The following LRFN2 variants were observed in gnomAD, a reference collection of about 807,000 sequenced individuals.
LRFN2 encodes the protein leucine rich repeat and fibronectin type III domain containing 2.
A neutral mutation model predicts 37.3 loss-of-function variants in LRFN2; 18 were observed. The observed-to-expected ratio is 0.48, with a 90% CI of 0.33 to 0.72. The LOEUF (loss-of-function observed/expected upper bound fraction) is 0.72. Among genes scored for constraint, LRFN2 ranks in the 30% least tolerant of loss-of-function variants. The probability of loss-of-function intolerance (pLI) is 0.02; values close to 1 mark genes in which losing one functional copy is unlikely to be tolerated. For synonymous variants in LRFN2, 556 were observed against 466.6 expected (o/e 1.19, Z -2.47); for missense variants, 1,006 against 1,060.7 (o/e 0.95, Z 0.72).
intron 1 of LRFN2, among the ~76,000 whole-genome samples, chr6:40,515,257 T>C (rs1173832848): frequency 6.6e-6 from 1 of 152,130 alleles, no homozygotes; most frequent in Non-Finnish European, 1.5e-5. Flanking sequence ...TCATATATGT[T>C]GTGGCCAGCG....
chr6:40,411,285 C>T (rs1421866164), intron 2 of LRFN2, among the ~76,000 whole-genome samples: 2 of 152,288 alleles, frequency 1.3e-5, no homozygotes, highest in South Asian at 2.1e-4. Context: ...CATGCAGGTG[C>T]AGTGGAGGGT....
In LRFN2 at chr6:40,432,319, A is replaced by G. The variant is rs2113824754; in HGVS notation, c.795T>C (p.Cys265=). Residue 265 remains cysteine (C), a synonymous_variant, in exon 2 of 3, where the codon TGT becomes TGC. Coordinates refer to ENST00000338305, the MANE Select transcript of LRFN2 (RefSeq NM_020737.3). ...GACCCTTGAGGCCCCCTGGGGAGCC[A>G]CAGGTTTCCAGGTCATCGTCCCGCT... is the stretch of plus-strand genomic sequence containing the variant. ...RLERDDDLET[C]GSPGGLKGRY... is the part of the protein sequence containing the mutation. 1 of 1,614,138 alleles carries G rather than the reference A, an allele frequency of 6.2e-7. No homozygotes were observed. Among genetic ancestry groups the G allele is most frequent in the Non-Finnish European group, 8.5e-7 (1 of 1,180,038 alleles).
rs529850332 is a variant in LRFN2, at chr6:40,542,078, T to A, written c.-19+44863A>T. 4.0e-3 allele frequency among the ~76,000 whole-genome samples: 607 copies of A among 152,306 alleles called. 1 individual carries two copies. Among genetic ancestry groups the A allele is most frequent in the African/African-American group, 0.014 (575 of 41,566 alleles). On this transcript the variant is annotated intron_variant, in intron 1 of 2. Transcript: ENST00000338305. ...ACTTGCAGTCATGTGGACAGAGACC[T>A]GGTGGTTCTAACTCACGCAGACACA...
chr6:40,487,694 TG>T (rs1383585485), intron 1 of LRFN2, among the ~76,000 whole-genome samples: 1 of 152,168 alleles, frequency 6.6e-6, no homozygotes, highest in Non-Finnish European at 1.5e-5. Context: ...AATCCAAGGA[TG>T]GGATGGCTAG....
intron 1 of LRFN2, among the ~76,000 whole-genome samples, chr6:40,465,673 G>A (rs901433114): frequency 1.2e-4 from 18 of 152,184 alleles, no homozygotes; most frequent in African/African-American, 4.3e-4. Context: ...TCTGATACCT[G>A]ACAGCTTCAG....
chr6:40,416,876 C>T (rs568336827), intron 2 of LRFN2, among the ~76,000 whole-genome samples: 5 of 152,316 alleles, frequency 3.3e-5, no homozygotes, highest in East Asian at 1.9e-4. Flanking sequence ...GTGGAATTCC[C>T]GGCCCTCCGA....
Position 40,400,789 on chromosome 6 carries a change from A to G in LRFN2, c.1401-7877T>C, listed in dbSNP as rs148773673. ...TCCTGAAAACCTTTCATGGATGTGC[A>G]TATACATATGTGTTTGGGGTATGTG... On this transcript the variant is annotated intron_variant, in intron 2 of 2. Transcript: ENST00000338305. Among the ~76,000 whole-genome samples, 423 of 151,842 alleles carry G rather than the reference A, an allele frequency of 2.8e-3. 18 individuals are homozygous for G. Among genetic ancestry groups the G allele is most frequent in the Non-Finnish European group, 3.5e-3 (237 of 67,872 alleles).
intron 1 of LRFN2, among the ~76,000 whole-genome samples, chr6:40,442,361 G>A (rs1179638214): frequency 6.6e-6 from 1 of 152,184 alleles, no homozygotes; most frequent in African/African-American, 2.4e-5. Flanking sequence ...CAGGATAGAG[G>A]GTAGGCAAAG....
rs771949075 is a variant in LRFN2 at position 40,392,097 on chromosome 6, G to A, written c.2216C>T (p.Pro739Leu). ...FAAAAAGGVV[P>L]GGYSPPRKVS... ...CTTCCGAGGAGGACTGTAGCCGCCC[G>A]GCACGACCCCTCCCGCCGCCGCAGC... The change falls in exon 3 of 3, where the codon CCG (proline) becomes CTG (leucine). Residue 739 changes from proline to leucine, a missense_variant. Around this residue, in one of 4 missense-constraint regions of LRFN2, gnomAD observed 398 missense variants for 327.6 expected, o/e 1.21. Transcript: ENST00000338305. The surrounding 1 kb of genome is among the most constrained non-coding windows in gnomAD (Gnocchi z 4.7). The A allele has an allele frequency of 1.8e-5, 29 of 1,613,656 alleles. No individual in the cohort carries two copies. The highest frequency in any genetic ancestry group is 2.3e-5 in the Non-Finnish European group (27 of 1,179,910).
chr6:40,455,346 G>A (rs1433737), intron 1 of LRFN2, among the ~76,000 whole-genome samples: 19,117 of 152,134 alleles, frequency 0.13, 1,377 homozygotes, highest in Admixed American at 0.21. Flanking sequence ...GCTCCACCTC[G>A]GTTGTCACCT....
Position 40,392,989 on chromosome 6 carries a change from G to T in LRFN2, c.1401-77C>A. ...GGGTGATGGGGAGTGGACAGAGGTA[G>T]AAACAGAGTGACAGAGATGGGGAGG... On this transcript the variant is annotated intron_variant, in intron 2 of 2. Transcript: ENST00000338305. This position sits in a 1 kb window ranked among gnomAD's most constrained non-coding sequence, Gnocchi z 4.7. 1.0e-6 allele frequency: 1 copy of T among 973,060 alleles called. No individual in the cohort carries two copies. The highest frequency in any genetic ancestry group is 1.4e-6 in the Non-Finnish European group (1 of 711,618). The allele number at this position is 973,060 out of a possible 1,614,324, so 60.3% of individuals were successfully genotyped here.
intron 1 of LRFN2, among the ~76,000 whole-genome samples, chr6:40,519,232 T>C (rs886361558): frequency 3.3e-5 from 5 of 152,204 alleles, no homozygotes; most frequent in African/African-American, 7.2e-5. Context: ...AGTGAATGAA[T>C]GATTCTAAAT....
At chr6:40,507,768 T>G (rs1269111045) in intron 1 of LRFN2, among the ~76,000 whole-genome samples, 1 of 152,192 alleles carries the variant, frequency 6.6e-6, no homozygotes, top group African/African-American at 2.4e-5. Flanking sequence ...TCTTGTAGAT[T>G]TGAAACGACC....
At chr6:40,415,484 C>T (rs1031990806) in intron 2 of LRFN2, among the ~76,000 whole-genome samples, 3 of 152,148 alleles carry the variant, frequency 2.0e-5, no homozygotes, top group Admixed American at 6.5e-5. Flanking sequence ...CCTCGACCTC[C>T]CAAAATGCTG....
At chr6:40,505,104 G>A (rs962527271) in intron 1 of LRFN2, among the ~76,000 whole-genome samples, 1 of 152,216 alleles carries the variant, frequency 6.6e-6, no homozygotes, top group African/African-American at 2.4e-5. Context: ...AGTGGGCTCT[G>A]TCTGCACGGG....
chr6:40,573,389 A>G (rs1421409283), intron 1 of LRFN2, among the ~76,000 whole-genome samples: 1 of 152,202 alleles, frequency 6.6e-6, no homozygotes, highest in Non-Finnish European at 1.5e-5. Context: ...TAGCTAGGTG[A>G]CCCAGGGTGC....
chr6:40,580,285 C>T (rs1249347153), intron 1 of LRFN2, among the ~76,000 whole-genome samples: 2 of 152,168 alleles, frequency 1.3e-5, no homozygotes, highest in Admixed American at 6.5e-5. Flanking sequence ...TGAATAAAAG[C>T]TTCTAGCAGA....
rs866911780 is a variant in LRFN2, at chr6:40,559,467, G to A, written c.-19+27474C>T. On this transcript the variant is annotated intron_variant, in intron 1 of 2. Transcript: ENST00000338305. ...CCCCAGTTCAGCTGGGGTGGTCCCA[G>A]GCCTGAGTGTGGAGAGGCTAAGCTG... Among the ~76,000 whole-genome samples, 7 of 152,142 alleles carry A rather than the reference G, an allele frequency of 4.6e-5. No individual in the cohort carries two copies. The South Asian group carries it at 6.2e-4, about 14-fold the overall frequency.
At chr6:40,427,218 AAC>A (rs1232140246) in intron 2 of LRFN2, among the ~76,000 whole-genome samples, 2 of 152,264 alleles carry the variant, frequency 1.3e-5, no homozygotes, top group Non-Finnish European at 2.9e-5. Context: ...ACAGAAATGG[AAC>A]AGATGTTGAG....
Sources: allele counts gnomAD v4.1 joint callset (sites outside exome capture counted in the v4.1 genomes callset), GRCh38; gene constraint gnomAD v4.1.1; regional missense constraint gnomAD v4.1.1; non-coding constraint Gnocchi (gnomAD v3.1); transcripts MANE v1.5; gene names NCBI Gene and HGNC (gene_info 2026-07-23, HGNC 2026-07-21).